Variants in SLC13A4 observed in about 807,000 individuals in gnomAD.
SLC13A4 encodes the protein Na(+)/sulfate cotransporter SUT-1.
A neutral mutation model predicts 72.7 loss-of-function variants in SLC13A4; 28 were observed. That is an observed-to-expected ratio of 0.39 (90% CI 0.29 to 0.53). The LOEUF is 0.53. Among genes scored for constraint, SLC13A4 ranks in the 20% least tolerant of loss-of-function variants. The probability of loss-of-function intolerance (pLI) is 0.78; values close to 1 mark genes in which losing one functional copy is unlikely to be tolerated. For synonymous variants in SLC13A4, 312 were observed against 325.5 expected, an observed-to-expected ratio of 0.96 and a Z score of 0.45; for missense variants, 653 against 788.0, an observed-to-expected ratio of 0.83 and a Z score of 2.05.
chr7:135,699,935 A>G (rs979938398), intron 7 of SLC13A4, among the ~76,000 whole-genome samples: 3 of 152,194 alleles, frequency 2.0e-5, no homozygotes, highest in Non-Finnish European at 4.4e-5. Context: ...AATAACAAAC[A>G]GATGTTATTC....
rs1795806348 is a variant in SLC13A4 at position 135,692,321 on chromosome 7, A to G, written c.1223+2T>C. ...TCTTAAGGAGGAAATGATATCACTTACTTTTCAAAGAAAGAATCCCAGCCA... is the reference window on the plus strand; with the variant it reads ...TCTTAAGGAGGAAATGATATCACTTGCTTTTCAAAGAAAGAATCCCAGCCA... On this transcript the variant is annotated splice_donor_variant, in intron 11 of 15. Transcript: ENST00000682651. LOFTEE classifies it high-confidence loss of function. The G allele has an allele frequency of 2.5e-6, 4 of 1,605,678 alleles. No individual in the cohort carries two copies. Among genetic ancestry groups the G allele is most frequent in the Non-Finnish European group, 2.6e-6 (3 of 1,172,292 alleles).
At chr7:135,683,120 G>A (rs1275353115) in intron 15 of SLC13A4, among the ~76,000 whole-genome samples, 4 of 151,798 alleles carry the variant, frequency 2.6e-5, no homozygotes, top group Non-Finnish European at 2.9e-5. Flanking sequence ...CCAACATGGT[G>A]AAACCCCATC....
Position 135,701,764 on chromosome 7 carries a change from T to C in SLC13A4, c.634-4A>G, listed in dbSNP as rs1216003968. 6.2e-7 allele frequency: 1 copy of C among 1,613,382 alleles called. No homozygotes were observed. Among genetic ancestry groups the C allele is most frequent in the East Asian group, 2.2e-5 (1 of 44,842 alleles). ...TCGAGGGCACACCATTCAGGTTCTG[T>C]TGGGACAAAGGCCATCTCACTATTA... On this transcript the variant is annotated splice_polypyrimidine_tract_variant and splice_region_variant and intron_variant, in intron 6 of 15. Coordinates refer to ENST00000682651, the MANE Select transcript of SLC13A4 (RefSeq NM_001318192.2).
chr7:135,705,349 G>T, intron 5 of SLC13A4: 1 of 447,442 alleles, frequency 2.2e-6, no homozygotes, highest in South Asian at 4.9e-5. Flanking sequence ...ATTCAGTGTG[G>T]CCTTTTTATT....
chr7:135,703,077 G>T, intron 5 of SLC13A4, 193 bp from the exon 6 acceptor site: 2 of 584,830 alleles, frequency 3.4e-6, no homozygotes, highest in Non-Finnish European at 6.1e-6. Flanking sequence ...TGGGGCCAGG[G>T]GCCTGCTTCC....
chr7:135,708,662 T>C (rs1796225269), intron 2 of SLC13A4, among the ~76,000 whole-genome samples: 1 of 152,182 alleles, frequency 6.6e-6, no homozygotes, highest in Admixed American at 6.5e-5. Context: ...TTAGAAAATA[T>C]TAGAAAATTA....
chr7:135,686,790 C>T (rs992532009), intron 13 of SLC13A4, among the ~76,000 whole-genome samples: 1 of 152,158 alleles, frequency 6.6e-6, no homozygotes, highest in Non-Finnish European at 1.5e-5. Context: ...GGTGAGGTAG[C>T]TCACACCTGT....
At chr7:135,715,046 ATGAGTG>A (rs1796384550) in intron 2 of SLC13A4, among the ~76,000 whole-genome samples, 1 of 137,248 alleles carries the variant, frequency 7.3e-6, no homozygotes, top group African/African-American at 2.9e-5. Flanking sequence ...GTGTGAGGGT[ATGAGTG>A]TGTATGTGAA....
intron 8 of SLC13A4, among the ~76,000 whole-genome samples, chr7:135,696,313 T>G (rs1309420099): frequency 6.6e-6 from 1 of 152,154 alleles, no homozygotes; most frequent in African/African-American, 2.4e-5. Flanking sequence ...TCTTGAAAAC[T>G]CCGTCTTGAC....
At chr7:135,689,797 G>A (rs988466871) in intron 13 of SLC13A4, among the ~76,000 whole-genome samples, 3 of 152,080 alleles carry the variant, frequency 2.0e-5, no homozygotes, top group African/African-American at 7.2e-5. Context: ...CCATGGGCAG[G>A]AGATAGGACT....
chr7:135,720,205 A>G (rs919661420), intron 2 of SLC13A4, among the ~76,000 whole-genome samples: 4 of 152,170 alleles, frequency 2.6e-5, no homozygotes, highest in Non-Finnish European at 5.9e-5. Context: ...TAATAACTCC[A>G]TGTGTACATA....
chr7:135,685,085 T>G (rs984502615), intron 14 of SLC13A4, among the ~76,000 whole-genome samples: 2 of 152,204 alleles, frequency 1.3e-5, no homozygotes, highest in Non-Finnish European at 2.9e-5. Context: ...GCTGTGATGA[T>G]TGTCTGAGTT....
intron 2 of SLC13A4, among the ~76,000 whole-genome samples, chr7:135,711,259 A>G (rs1326846706): frequency 6.6e-6 from 1 of 152,144 alleles, no homozygotes; most frequent in Non-Finnish European, 1.5e-5. Context: ...TTTTCAAGTC[A>G]GTGCGACTGG....
intron 8 of SLC13A4, among the ~76,000 whole-genome samples, chr7:135,697,459 C>T (rs1010577805): frequency 1.3e-5 from 2 of 152,118 alleles, no homozygotes; most frequent in African/African-American, 4.8e-5. Context: ...TCTGAGTTTC[C>T]CTTAAACCTG....
chr7:135,711,305 C>T (rs1796296010), intron 2 of SLC13A4, among the ~76,000 whole-genome samples: 1 of 152,114 alleles, frequency 6.6e-6, no homozygotes, highest in African/African-American at 2.4e-5. Context: ...ACAAGAGCTA[C>T]GTTTTCTGCC....
chr7:135,712,621 G>A (rs913489775), intron 2 of SLC13A4, among the ~76,000 whole-genome samples: 8 of 152,184 alleles, frequency 5.3e-5, no homozygotes, highest in Non-Finnish European at 1.0e-4. Flanking sequence ...CCATCTAAAG[G>A]CTGAGCTGGT....
chr7:135,710,784 TAGG>T (rs1223932603), intron 2 of SLC13A4, among the ~76,000 whole-genome samples: 5 of 152,192 alleles, frequency 3.3e-5, no homozygotes, highest in African/African-American at 9.7e-5. Context: ...GAGGGTTGTG[TAGG>T]AGAAGGGACA....
chr7:135,688,164 C>T (rs1273393580), intron 13 of SLC13A4, among the ~76,000 whole-genome samples: 2 of 151,610 alleles, frequency 1.3e-5, no homozygotes, highest in African/African-American at 4.9e-5. Flanking sequence ...TTAGTAGAGA[C>T]GAGGTTTCAC....
intron 1 of SLC13A4, among the ~76,000 whole-genome samples, chr7:135,723,757 C>T (rs551175245): frequency 3.9e-5 from 6 of 152,258 alleles, no homozygotes; most frequent in South Asian, 4.2e-4. Context: ...TTGTGCCCTC[C>T]TGACATTCGT....
Sources: gnomAD v4.1 joint callset for allele counts (sites outside exome capture counted in the v4.1 genomes callset) on GRCh38, gnomAD v4.1.1 for gene constraint, MANE v1.5 for transcripts, NCBI Gene and HGNC (gene_info 2026-07-23, HGNC 2026-07-21) for gene names.